The following KCNN2 variants were observed in gnomAD, a reference collection of about 807,000 sequenced individuals.
The protein encoded by KCNN2 is small conductance calcium-activated potassium channel protein 2.
Under a neutral mutation model 55.5 loss-of-function variants are expected in KCNN2, and 24 were observed. The observed-to-expected ratio is 0.43, with a 90% confidence interval of 0.31 to 0.61. The LOEUF is 0.61. Among genes scored for constraint, KCNN2 ranks in the 20% least tolerant of loss-of-function variants. The pLI is 0.08. For synonymous variants in KCNN2, 431 were observed against 336.1 expected, an observed-to-expected ratio of 1.28 and a Z score of -3.09; for missense variants, 754 against 853.6, an observed-to-expected ratio of 0.88 and a Z score of 1.45.
chr5:114,488,703 G>C (rs1747699456), intron 6 of KCNN2, among the ~76,000 whole-genome samples: 1 of 152,048 alleles, frequency 6.6e-6, no homozygotes, highest in Non-Finnish European at 1.5e-5. Context: ...TCTTCCTCAA[G>C]GCACTCACCT....
At chr5:114,382,597 T>C (rs1214831473) in intron 2 of KCNN2, among the ~76,000 whole-genome samples, 3 of 152,224 alleles carry the variant, frequency 2.0e-5, no homozygotes, top group Non-Finnish European at 2.9e-5. Flanking sequence ...TCTGTGGGTG[T>C]TGGAGACAGA....
chr5:114,363,838 T>A, intron 1 of KCNN2, 68 bp from the exon 2 acceptor site: 2 of 1,117,930 alleles, frequency 1.8e-6, no homozygotes, highest in Non-Finnish European at 2.7e-6. Context: ...ACTGACTGAC[T>A]CTGGGGACGT....
intron 1 of KCNN2, among the ~76,000 whole-genome samples, chr5:114,060,025 A>C (rs891189840): frequency 6.6e-6 from 1 of 152,226 alleles, no homozygotes; most frequent in Non-Finnish European, 1.5e-5. Flanking sequence ...ACTGGCCGAA[A>C]CAGTCCCTAA....
chr5:114,148,592 T>C (rs747094187), intron 1 of KCNN2, among the ~76,000 whole-genome samples: 7 of 151,794 alleles, frequency 4.6e-5, no homozygotes, highest in Non-Finnish European at 1.0e-4. Context: ...TCCTGGAGTG[T>C]CGAAAGAAAC....
chr5:114,257,266 T>C (rs1755002640), intron 2 of KCNN2, among the ~76,000 whole-genome samples: 1 of 152,164 alleles, frequency 6.6e-6, no homozygotes, highest in South Asian at 2.1e-4. Context: ...CTACACCCTG[T>C]AGTATAATTT....
At chr5:114,471,203 G>A (rs1375411727) in intron 4 of KCNN2, among the ~76,000 whole-genome samples, 1 of 152,110 alleles carries the variant, frequency 6.6e-6, no homozygotes, top group African/African-American at 2.4e-5. Context: ...TTCAGTTCCA[G>A]AACCCCACTT....
At chr5:114,071,281 T>G (rs1448147800) in intron 1 of KCNN2, among the ~76,000 whole-genome samples, 1 of 152,118 alleles carries the variant, frequency 6.6e-6, no homozygotes, top group Non-Finnish European at 1.5e-5. Flanking sequence ...AGAGCTTGAG[T>G]AGCAGCACCA....
At chr5:114,202,877 C>T (rs1580615055) in intron 1 of KCNN2, among the ~76,000 whole-genome samples, 1 of 152,134 alleles carries the variant, frequency 6.6e-6, no homozygotes, top group South Asian at 2.1e-4. Flanking sequence ...TGAGCCACCG[C>T]ACCCAGCTGC....
Position 114,115,945 on chromosome 5 carries a change from A to C in KCNN2, c.-271+59445A>C, listed in dbSNP as rs528587539. Among the ~76,000 whole-genome samples the C allele has an allele frequency of 7.9e-5, 12 of 152,292 alleles. No individual in the cohort carries two copies. In the East Asian group the frequency reaches 2.1e-3, roughly 27 times the overall value. On this transcript the variant is annotated intron_variant, in intron 1 of 10. Coordinates refer to the KCNN2 transcript ENST00000512097. Reference sequence around the variant, plus strand: ...CAGGATGCAAAGACAGCTGGCATACATGTAGATGAGAATGGGACAGTAACA... The same window carrying C: ...CAGGATGCAAAGACAGCTGGCATACCTGTAGATGAGAATGGGACAGTAACA...
At position 114,362,989 on chromosome 5, in the gene KCNN2, G is replaced by A. The variant is rs1451149026; in HGVS notation, c.850G>A (p.Glu284Lys). ...SAPEIVVSKPEHNNSNNLALY... is the reference protein window; with the variant it reads ...SAPEIVVSKPKHNNSNNLALY... Reference sequence around the variant, plus strand: ...CCCCGAGATCGTGGTGTCTAAGCCCGAGCACAACAACTCCAACAACCTGGC... The same window carrying A: ...CCCCGAGATCGTGGTGTCTAAGCCCAAGCACAACAACTCCAACAACCTGGC... The change falls in exon 1 of 8, where the codon GAG (glutamate) becomes AAG (lysine). Residue 284 changes from glutamate to lysine, a missense_variant. Physicochemically the swap from Glu to Lys is moderately conservative, Grantham distance 56 (BLOSUM62 1). Transcript: ENST00000673685. 7.5e-6 allele frequency: 12 copies of A among 1,592,470 alleles called. No individual in the cohort carries two copies. Among genetic ancestry groups the A allele is most frequent in the African/African-American group, 4.0e-5 (3 of 74,646 alleles).
intron 4 of KCNN2, among the ~76,000 whole-genome samples, chr5:114,469,531 T>A (rs1422607283): frequency 6.6e-6 from 1 of 152,230 alleles, no homozygotes; most frequent in African/African-American, 2.4e-5. Context: ...CTCATCTTGT[T>A]AAATGCATAC....
rs569135950 is a variant in KCNN2, at chr5:114,177,190, T to C, written c.-270-44290T>C. ...TCTCGCTCTGTCGCCCAGGCTGGAG[T>C]GCAGTGGCGCGATCTCGGCTCACTG... On this transcript the variant is annotated intron_variant, in intron 1 of 10. Transcript: ENST00000512097. 2.7e-5 allele frequency among the ~76,000 whole-genome samples: 4 copies of C among 148,352 alleles called. No individual in the cohort carries two copies. The South Asian group carries it at 8.5e-4, about 32-fold the overall frequency.
intron 2 of KCNN2, among the ~76,000 whole-genome samples, chr5:114,271,437 G>T (rs1317890378): frequency 3.3e-5 from 5 of 152,142 alleles, no homozygotes; most frequent in African/African-American, 1.2e-4. Flanking sequence ...AAGCCGGCCA[G>T]CTTCACCTCT....
At chr5:114,493,534 C>G (rs1417842500) in intron 7 of KCNN2, 62 bp downstream of exon 7, 2 of 1,113,092 alleles carry the variant, frequency 1.8e-6, no homozygotes, top group Admixed American at 1.7e-5. Context: ...TTCACAGTCA[C>G]TAATCATGAA....
chr5:114,476,497 C>T (rs1289875182), intron 5 of KCNN2, among the ~76,000 whole-genome samples: 2 of 150,930 alleles, frequency 1.3e-5, no homozygotes, highest in African/African-American at 4.9e-5. Context: ...TACAGTGGCG[C>T]AACCTCCACC....
chr5:114,442,873 A>C (rs945541974), intron 3 of KCNN2, among the ~76,000 whole-genome samples: 4 of 152,232 alleles, frequency 2.6e-5, no homozygotes, highest in Non-Finnish European at 4.4e-5. Context: ...GAGGACACAC[A>C]GTAGTTCTGT....
Position 114,247,310 on chromosome 5 carries a change from G to C in KCNN2, c.-185+25745G>C, listed in dbSNP as rs113311132. On this transcript the variant is annotated intron_variant, in intron 2 of 10. Transcript: ENST00000512097. ...TAACAGACAGTTTTCTACACATGCTGGCTCCTTATTTGTCACTTGAAGATG... is the reference window on the plus strand; with the variant it reads ...TAACAGACAGTTTTCTACACATGCTCGCTCCTTATTTGTCACTTGAAGATG... Among the ~76,000 whole-genome samples the C allele has an allele frequency of 5.5e-3, 830 of 151,686 alleles. 5 individuals carry two copies. The highest frequency in any genetic ancestry group is 0.019 in the African/African-American group (789 of 41,388).
chr5:114,445,407 C>T (rs1421040478), intron 3 of KCNN2, among the ~76,000 whole-genome samples: 1 of 152,182 alleles, frequency 6.6e-6, no homozygotes, highest in Non-Finnish European at 1.5e-5. Flanking sequence ...ATCCATGAGA[C>T]ACTTTATAAA....
chr5:114,288,357 A>G (rs1339229262), intron 2 of KCNN2, among the ~76,000 whole-genome samples: 1 of 152,180 alleles, frequency 6.6e-6, no homozygotes. Context: ...CAGTAGTGGA[A>G]TTGCTAGGTC....
Sources: gnomAD v4.1 joint callset for allele counts (sites outside exome capture counted in the v4.1 genomes callset) on GRCh38, gnomAD v4.1.1 for gene constraint, MANE v1.5 for transcripts, NCBI Gene and HGNC (gene_info 2026-07-23, HGNC 2026-07-21) for gene names.